XKR4: variants seen among roughly 807,000 people sequenced by gnomAD.
XKR4 encodes the protein XK-related protein 4.
Under a neutral mutation model 53.9 loss-of-function variants are expected in XKR4, and 12 were observed. That is an observed-to-expected ratio of 0.22 (90% CI 0.14 to 0.36). The LOEUF is 0.36. Ranked by LOEUF, XKR4 falls within the 10% of genes least tolerant of loss-of-function variation. XKR4 has a pLI of 1.00. For missense variants in XKR4, 799 were observed against 859.5 expected, an observed-to-expected ratio of 0.93 and a Z score of 0.88; for synonymous variants, 354 against 362.4, an observed-to-expected ratio of 0.98 and a Z score of 0.26.
intron 1 of XKR4, among the ~76,000 whole-genome samples, chr8:55,243,255 A>G (rs1818236711): frequency 6.6e-6 from 1 of 152,172 alleles, no homozygotes; most frequent in South Asian, 2.1e-4. Context: ...TCTGGTTTGG[A>G]CAAATGTACA....
At chr8:55,320,500 A>G (rs534409274) in intron 1 of XKR4, among the ~76,000 whole-genome samples, 40 of 152,308 alleles carry the variant, frequency 2.6e-4, no homozygotes, top group Non-Finnish European at 5.3e-4. Flanking sequence ...AGGGGGAGAA[A>G]GTTTCTGCTA....
At chr8:55,226,561 A>AC in intron 1 of XKR4, among the ~76,000 whole-genome samples, 1 of 152,000 alleles carries the variant, frequency 6.6e-6, no homozygotes, top group South Asian at 2.1e-4. Context: ...TATCTTCCCA[A>AC]CCCATTTTTT....
intron 2 of XKR4, among the ~76,000 whole-genome samples, chr8:55,478,914 C>A (rs1205960321): frequency 3.3e-5 from 5 of 152,094 alleles, no homozygotes; most frequent in Non-Finnish European, 7.3e-5. Flanking sequence ...TCCTTAGTGA[C>A]ATACAAAGAG....
chr8:55,229,212 A>G (rs951007217), intron 1 of XKR4, among the ~76,000 whole-genome samples: 3 of 152,084 alleles, frequency 2.0e-5, no homozygotes, highest in Non-Finnish European at 4.4e-5. Flanking sequence ...CCACTCTCTG[A>G]AAGGGGCCGG....
chr8:55,335,064 A>G lies in XKR4; in HGVS notation c.807-22614A>G, dbSNP rs556497912. On this transcript the variant is annotated intron_variant, in intron 1 of 2. Transcript: ENST00000327381. ...TTCTACTGCTATTAACTCTGGAAAA[A>G]TTTTAGACAACATAGGGCCTGGATT... Among the ~76,000 whole-genome samples, 7 of 152,326 alleles carry G rather than the reference A, an allele frequency of 4.6e-5. No homozygotes were observed. In the South Asian group the frequency reaches 1.4e-3, roughly 32 times the overall value.
intron 2 of XKR4, among the ~76,000 whole-genome samples, chr8:55,470,716 T>A (rs764368179): frequency 1.3e-5 from 2 of 152,194 alleles, no homozygotes; most frequent in African/African-American, 4.8e-5. Context: ...ACTATCATTA[T>A]CATTATTATT....
intron 1 of XKR4, among the ~76,000 whole-genome samples, chr8:55,313,396 A>G (rs987105454): frequency 1.2e-4 from 19 of 152,206 alleles, no homozygotes; most frequent in African/African-American, 4.1e-4. Flanking sequence ...TTACTTCGGG[A>G]AAAGATCAAA....
At chr8:55,302,549 T>G (rs1819218249) in intron 1 of XKR4, among the ~76,000 whole-genome samples, 1 of 152,224 alleles carries the variant, frequency 6.6e-6, no homozygotes, top group Non-Finnish European at 1.5e-5. Flanking sequence ...ATTGGTAGCT[T>G]GATGGGGATG....
At chr8:55,270,494 G>T (rs890288073) in intron 1 of XKR4, among the ~76,000 whole-genome samples, 1 of 152,088 alleles carries the variant, frequency 6.6e-6, no homozygotes, top group Admixed American at 6.5e-5. Flanking sequence ...ACCTCGTGTT[G>T]TTGTCTATCT....
At chr8:55,455,614 A>G (rs780946889) in intron 2 of XKR4, among the ~76,000 whole-genome samples, 4 of 152,216 alleles carry the variant, frequency 2.6e-5, no homozygotes, top group South Asian at 2.1e-4. Context: ...CACAGTTACA[A>G]GTGGTAGACC....
chr8:55,307,811 C>T (rs1417023288), intron 1 of XKR4, among the ~76,000 whole-genome samples: 1 of 152,082 alleles, frequency 6.6e-6, no homozygotes, highest in East Asian at 1.9e-4. Context: ...CAGTTGCTGG[C>T]AAGGATGTGA....
At chr8:55,188,307 T>A (rs1487998490) in intron 1 of XKR4, among the ~76,000 whole-genome samples, 1 of 152,210 alleles carries the variant, frequency 6.6e-6, no homozygotes, top group Non-Finnish European at 1.5e-5. Context: ...ATTTGATTTA[T>A]TCTTAATTTT....
At chr8:55,304,215 T>C (rs1383027226) in intron 1 of XKR4, among the ~76,000 whole-genome samples, 1 of 152,202 alleles carries the variant, frequency 6.6e-6, no homozygotes, top group African/African-American at 2.4e-5. Flanking sequence ...TTCTCATTGG[T>C]TTCAAAGAAC....
chr8:55,454,718 C>A, intron 2 of XKR4: 1 of 835,128 alleles, frequency 1.2e-6, no homozygotes. Flanking sequence ...TAGATGAGGC[C>A]GAGGCTGTTC....
At chr8:55,313,310 A>G (rs1026687847) in intron 1 of XKR4, among the ~76,000 whole-genome samples, 2 of 152,340 alleles carry the variant, frequency 1.3e-5, no homozygotes, top group East Asian at 1.9e-4. Context: ...TGATTTGTAC[A>G]AGCTTCATGT....
chr8:55,192,652 G>A (rs1231240507), intron 1 of XKR4, among the ~76,000 whole-genome samples: 8 of 152,090 alleles, frequency 5.3e-5, no homozygotes, highest in Non-Finnish European at 7.3e-5. Context: ...CAGCAGCTGG[G>A]ACTGTATGGG....
At chr8:55,206,215 CT>C (rs1817648410) in intron 1 of XKR4, among the ~76,000 whole-genome samples, 1 of 152,038 alleles carries the variant, frequency 6.6e-6, no homozygotes, top group African/African-American at 2.4e-5. Flanking sequence ...CGGGTTGCCA[CT>C]GGGGCTGGGT....
chr8:55,490,786 C>T (rs1806259318), intron 2 of XKR4, among the ~76,000 whole-genome samples: 4 of 138,664 alleles, frequency 2.9e-5, no homozygotes, highest in Admixed American at 2.1e-4. Flanking sequence ...ATACAAAGTA[C>T]TTTGGAGTAT....
chr8:55,462,894 G>A (rs1243645252), intron 2 of XKR4, among the ~76,000 whole-genome samples: 1 of 152,170 alleles, frequency 6.6e-6, no homozygotes, highest in Non-Finnish European at 1.5e-5. Flanking sequence ...TTACATAATG[G>A]TAAAGGGATC....
Sources: gnomAD v4.1 joint callset for allele counts (sites outside exome capture counted in the v4.1 genomes callset) on GRCh38, gnomAD v4.1.1 for gene constraint, MANE v1.5 for transcripts, NCBI Gene and HGNC (gene_info 2026-07-23, HGNC 2026-07-21) for gene names.